The following GPC5 variants were observed in gnomAD, a reference collection of about 807,000 sequenced individuals.
The protein encoded by GPC5 is glypican-5.
In GPC5, 47 loss-of-function variants were observed where a neutral mutation model predicts 53.9. The ratio of observed to expected loss-of-function variants is 0.87; its 90% CI spans 0.69 to 1.11. GPC5 has a LOEUF of 1.11. Ranked by LOEUF, GPC5 falls within the 50% of genes most tolerant of loss-of-function variation. The probability of loss-of-function intolerance (pLI) is 0.00; values close to 1 mark genes in which losing one functional copy is unlikely to be tolerated. For missense variants in GPC5, 748 were observed against 713.1 expected, an observed-to-expected ratio of 1.05 and a Z score of -0.56; for synonymous variants, 286 against 263.3, an observed-to-expected ratio of 1.09 and a Z score of -0.84.
chr13:92,854,405 A>G (rs1594552047), intron 7 of GPC5, among the ~76,000 whole-genome samples: 1 of 150,324 alleles, frequency 6.7e-6, no homozygotes, highest in East Asian at 1.9e-4. Flanking sequence ...GATTTATTAC[A>G]TAAAGCTTTA....
intron 7 of GPC5, among the ~76,000 whole-genome samples, chr13:92,146,512 T>C (rs1330756806): frequency 6.6e-6 from 1 of 152,148 alleles, no homozygotes; most frequent in Non-Finnish European, 1.5e-5. Flanking sequence ...TTTATTTTAT[T>C]ATTTTTTAAT....
intron 7 of GPC5, among the ~76,000 whole-genome samples, chr13:92,542,171 A>G (rs1367226824): frequency 6.6e-6 from 1 of 151,980 alleles, no homozygotes; most frequent in Non-Finnish European, 1.5e-5. Context: ...TACATTTATC[A>G]TTTCTTAGTG....
chr13:92,859,488 C>T (rs1262820533), intron 7 of GPC5, among the ~76,000 whole-genome samples: 1 of 151,934 alleles, frequency 6.6e-6, no homozygotes, highest in Non-Finnish European at 1.5e-5. Context: ...CATATTATCA[C>T]TAACCTAAAT....
At chr13:92,313,111 C>CCT (rs1019099326) in intron 7 of GPC5, among the ~76,000 whole-genome samples, 1 of 152,062 alleles carries the variant, frequency 6.6e-6, no homozygotes, top group African/African-American at 2.4e-5. Flanking sequence ...AAGTCTGTCA[C>CCT]CTCTCTCTCT....
intron 6 of GPC5, among the ~76,000 whole-genome samples, chr13:92,094,001 C>T (rs1370896432): frequency 6.6e-6 from 1 of 152,160 alleles, no homozygotes. Context: ...GGTTGAATGA[C>T]ATGTCATTGA....
intron 7 of GPC5, among the ~76,000 whole-genome samples, chr13:92,184,761 A>T (rs568228231): frequency 7.9e-5 from 12 of 152,314 alleles, no homozygotes; most frequent in African/African-American, 2.9e-4. Context: ...ATATGAGTGT[A>T]TCATTTTTAA....
chr13:91,804,564 A>C (rs570613403), intron 5 of GPC5, among the ~76,000 whole-genome samples: 1 of 152,348 alleles, frequency 6.6e-6, no homozygotes, highest in African/African-American at 2.4e-5. Flanking sequence ...GTTAGCCATC[A>C]AAAGGAGGCT....
rs193216347 is a variant in GPC5 at position 92,846,330 on chromosome 13, G to T, written c.1562-19952G>T. ...AAACACAATTTGGATTATAATCCAA[G>T]ATGAGATTTGGGTGGGGACACAGAG... On this transcript the variant is annotated intron_variant, in intron 7 of 7. Coordinates refer to ENST00000377067, the MANE Select transcript of GPC5 (RefSeq NM_004466.6). 8.5e-5 allele frequency among the ~76,000 whole-genome samples: 13 copies of T among 152,252 alleles called. No individual in the cohort carries two copies. In the East Asian group the frequency reaches 2.3e-3, roughly 27 times the overall value.
intron 7 of GPC5, among the ~76,000 whole-genome samples, chr13:92,266,557 G>A (rs1241478280): frequency 3.3e-5 from 5 of 152,108 alleles, no homozygotes; most frequent in Non-Finnish European, 5.9e-5. Flanking sequence ...TCCCTAGCCA[G>A]TCTATTTGCT....
chr13:91,450,519 G>A (rs1007211975), intron 2 of GPC5, among the ~76,000 whole-genome samples: 2 of 152,108 alleles, frequency 1.3e-5, no homozygotes, highest in African/African-American at 4.8e-5. Flanking sequence ...CAAAGGGTTA[G>A]GAAACCTGGA....
intron 7 of GPC5, among the ~76,000 whole-genome samples, chr13:92,832,193 A>ACTATATTG (rs1387597510): frequency 1.3e-5 from 2 of 152,212 alleles, no homozygotes; most frequent in Non-Finnish European, 2.9e-5. Flanking sequence ...TTAGTATTTA[A>ACTATATTG]CTATATTGAC....
intron 2 of GPC5, among the ~76,000 whole-genome samples, chr13:91,571,878 CACAT>C (rs1361523554): frequency 9.3e-6 from 1 of 107,834 alleles, no homozygotes; most frequent in Non-Finnish European, 1.8e-5. Context: ...TATATATACA[CACAT>C]ATACGTGTGT....
intron 7 of GPC5, among the ~76,000 whole-genome samples, chr13:92,162,712 A>G (rs2041998743): frequency 6.6e-6 from 1 of 152,186 alleles, no homozygotes. Context: ...ATGTATTAAA[A>G]CCTTTCAAAT....
chr13:91,924,466 T>C (rs1428839409), intron 6 of GPC5, among the ~76,000 whole-genome samples: 1 of 152,142 alleles, frequency 6.6e-6, no homozygotes, highest in Non-Finnish European at 1.5e-5. Flanking sequence ...CTGCCTGTAA[T>C]GGAATCCTAA....
At chr13:91,502,155 A>T (rs1011335854) in intron 2 of GPC5, among the ~76,000 whole-genome samples, 9 of 152,158 alleles carry the variant, frequency 5.9e-5, no homozygotes, top group African/African-American at 2.2e-4. Context: ...GCCCTTTGTC[A>T]GATGAGTAGA....
intron 2 of GPC5, among the ~76,000 whole-genome samples, chr13:91,681,698 ATC>A (rs2035512728): frequency 6.6e-6 from 1 of 152,192 alleles, no homozygotes. Flanking sequence ...CTTAAACGGT[ATC>A]TTTCTTTCCC....
chr13:91,572,108 CACAT>C (rs1178452204), intron 2 of GPC5, among the ~76,000 whole-genome samples: 2 of 124,500 alleles, frequency 1.6e-5, no homozygotes, highest in Non-Finnish European at 3.6e-5. Flanking sequence ...TGTATATACA[CACAT>C]GTATATATAC....
At chr13:92,753,363 A>C (rs1217730511) in intron 7 of GPC5, among the ~76,000 whole-genome samples, 2 of 152,182 alleles carry the variant, frequency 1.3e-5, no homozygotes, top group Non-Finnish European at 2.9e-5. Context: ...AAGTAGATAA[A>C]ACCACAAAGA....
At chr13:91,617,215 T>C (rs1026762642) in intron 2 of GPC5, among the ~76,000 whole-genome samples, 1 of 152,180 alleles carries the variant, frequency 6.6e-6, no homozygotes, top group African/African-American at 2.4e-5. Context: ...CGTAAACATA[T>C]ATGTTGAAAT....
Sources: gnomAD v4.1 joint callset for allele counts (sites outside exome capture counted in the v4.1 genomes callset) on GRCh38, gnomAD v4.1.1 for gene constraint, MANE v1.5 for transcripts, NCBI Gene and HGNC (gene_info 2026-07-23, HGNC 2026-07-21) for gene names.